TMOD1: variants seen among roughly 807,000 people sequenced by gnomAD.
TMOD1 encodes the protein tropomodulin 1, also known as tropomodulin-1.
Under a neutral mutation model 40.6 loss-of-function variants are expected in TMOD1, and 17 were observed. The observed-to-expected ratio is 0.42, with a 90% CI of 0.29 to 0.63. The LOEUF is 0.63. TMOD1 is among the 20% of genes least tolerant of loss of function. The pLI is 0.22. For missense variants in TMOD1, 391 were observed against 447.6 expected (o/e 0.87, Z 1.14); for synonymous variants, 181 against 175.0 (o/e 1.03, Z -0.27).
chr9:97,527,006 C>T (rs1830025098), intron 2 of TMOD1, among the ~76,000 whole-genome samples: 2 of 152,110 alleles, frequency 1.3e-5, no homozygotes, highest in Non-Finnish European at 2.9e-5. Context: ...CACGATCTTC[C>T]CCTGCCTGCC....
At chr9:97,544,791 T>C (rs1830334931) in intron 2 of TMOD1, among the ~76,000 whole-genome samples, 1 of 151,880 alleles carries the variant, frequency 6.6e-6, no homozygotes, top group South Asian at 2.1e-4. Flanking sequence ...GCAGATCACT[T>C]GAGTTTGGGA....
intron 8 of TMOD1, 49 bp from the exon 9 acceptor site, chr9:97,591,242 G>T: frequency 6.5e-7 from 1 of 1,537,042 alleles, no homozygotes. Context: ...TGTACACATG[G>T]AATGAGTGGT....
chr9:97,526,562 T>A (rs776913740), intron 2 of TMOD1, among the ~76,000 whole-genome samples: 3 of 152,222 alleles, frequency 2.0e-5, no homozygotes, highest in Non-Finnish European at 4.4e-5. Context: ...AAAAATGGAA[T>A]GTATCACACC....
rs186752404 is a variant in TMOD1 at position 97,600,860 on chromosome 9, C to G, written c.*1162C>G. The G allele has an allele frequency of 9.2e-7, 1 of 1,090,438 alleles. No homozygotes were observed. The highest frequency in any genetic ancestry group is 8.3e-5 in the East Asian group (1 of 12,072). The allele number at this position is 1,090,438 out of a possible 1,614,324, so 67.5% of individuals were successfully genotyped here. A position where few individuals can be genotyped will look rare whatever the true frequency, so the allele number is the denominator to read the frequency against. Reference sequence around the variant, plus strand: ...CTTGGGATCCAGCAAAAGTGTTAAGCCACAATGCCCTTGTGCCTTTTAATA... The same window carrying G: ...CTTGGGATCCAGCAAAAGTGTTAAGGCACAATGCCCTTGTGCCTTTTAATA... On this transcript the variant is annotated 3_prime_UTR_variant, in exon 10 of 10. Transcript: ENST00000259365.
At chr9:97,527,693 G>C (rs1426176604) in intron 2 of TMOD1, among the ~76,000 whole-genome samples, 3 of 152,228 alleles carry the variant, frequency 2.0e-5, no homozygotes. Context: ...ACTTTGCTCA[G>C]TGGGTTCAGG....
intron 2 of TMOD1, among the ~76,000 whole-genome samples, chr9:97,544,295 A>G (rs1266749669): frequency 2.0e-5 from 3 of 152,172 alleles, no homozygotes; most frequent in Admixed American, 2.0e-4. Context: ...CCCAGGGCTT[A>G]GGAAGGCCGA....
chr9:97,544,911 A>G (rs1212246368), intron 2 of TMOD1, among the ~76,000 whole-genome samples: 1 of 151,356 alleles, frequency 6.6e-6, no homozygotes, highest in African/African-American at 2.4e-5. Flanking sequence ...CAGGAGGCTG[A>G]GGCAGGAGAA....
chr9:97,590,124 T>C (rs1255164614), intron 8 of TMOD1, among the ~76,000 whole-genome samples: 1 of 152,068 alleles, frequency 6.6e-6, no homozygotes, highest in African/African-American at 2.4e-5. Context: ...TGGCCAAGGA[T>C]TTGCACCATC....
At chr9:97,537,478 C>G (rs536145765) in intron 2 of TMOD1, among the ~76,000 whole-genome samples, 3 of 152,304 alleles carry the variant, frequency 2.0e-5, no homozygotes, top group African/African-American at 7.2e-5. Context: ...TTACTGGCAC[C>G]TGTTTGCAGG....
Position 97,564,030 on chromosome 9 carries a change from C to T in TMOD1, c.488-8C>T, listed in dbSNP as rs754652912. 113 of 1,597,152 alleles carry T rather than the reference C, an allele frequency of 7.1e-5. No homozygotes were observed. Among genetic ancestry groups the T allele is most frequent in the Non-Finnish European group, 9.2e-5 (108 of 1,173,778 alleles). Reference sequence around the variant, plus strand: ...TGTGAGCCACCTCCCTTTCATCGGTCACTCTAGGCGTGATTAAACCCACAC... The same window carrying T: ...TGTGAGCCACCTCCCTTTCATCGGTTACTCTAGGCGTGATTAAACCCACAC... On this transcript the variant is annotated splice_polypyrimidine_tract_variant and splice_region_variant and intron_variant, in intron 5 of 9. Coordinates refer to ENST00000259365, the MANE Select transcript of TMOD1 (RefSeq NM_003275.4).
At chr9:97,585,047 A>G (rs1825840424) in intron 8 of TMOD1, among the ~76,000 whole-genome samples, 1 of 152,112 alleles carries the variant, frequency 6.6e-6, no homozygotes, top group African/African-American at 2.4e-5. Context: ...TCCTGTCATG[A>G]TGATGTTAGC....
Position 97,600,430 on chromosome 9 carries a change from CAATTT to C in TMOD1, c.*736_*740del. ...TTTAAGAACATTTGGGATTTATGTA[CAATTT>C]AATACTGGAGTTAGAACTTTTTCCT... On this transcript the variant is annotated 3_prime_UTR_variant, in exon 10 of 10. Transcript: ENST00000259365. The C allele has an allele frequency of 1.4e-5, 14 of 985,688 alleles. No individual in the cohort carries two copies. Among genetic ancestry groups the C allele is most frequent in the Non-Finnish European group, 1.7e-5 (14 of 830,080 alleles). 61.1% of individuals were successfully genotyped at this position (985,688 alleles called of 1,614,324 possible). A position where few individuals can be genotyped will look rare whatever the true frequency, so the allele number is the denominator to read the frequency against.
chr9:97,542,799 G>A (rs966301821), intron 2 of TMOD1, among the ~76,000 whole-genome samples: 8 of 147,510 alleles, frequency 5.4e-5, no homozygotes, highest in African/African-American at 1.8e-4. Flanking sequence ...GCAGTGAGCC[G>A]AGATCACGCC....
chr9:97,541,870 G>A (rs150003349), intron 2 of TMOD1, among the ~76,000 whole-genome samples: 53 of 152,254 alleles, frequency 3.5e-4, no homozygotes, highest in African/African-American at 1.2e-3. Flanking sequence ...AGATTTTTAT[G>A]TATTCTAGAT....
chr9:97,589,438 C>A (rs1241362577), intron 8 of TMOD1, among the ~76,000 whole-genome samples: 1 of 150,188 alleles, frequency 6.7e-6, no homozygotes. Context: ...CGCCCAGCTA[C>A]TTTTTGTATT....
intron 1 of TMOD1, among the ~76,000 whole-genome samples, chr9:97,506,086 C>G (rs1335089855): frequency 1.7e-5 from 2 of 116,436 alleles, no homozygotes; most frequent in Non-Finnish European, 3.8e-5. Flanking sequence ...CATGCTGTGC[C>G]TTCATGCCTC....
intron 9 of TMOD1, among the ~76,000 whole-genome samples, chr9:97,591,782 C>T (rs16922319): frequency 0.092 from 14,034 of 152,166 alleles, 711 homozygotes; most frequent in Admixed American, 0.15. Flanking sequence ...TTTCTGAACT[C>T]ATAGCGTCCT....
chr9:97,599,764 G>A lies in TMOD1; in HGVS notation c.*66G>A. 6.2e-7 allele frequency: 1 copy of A among 1,610,424 alleles called. No homozygotes were observed. Among genetic ancestry groups the A allele is most frequent in the South Asian group, 1.1e-5 (1 of 90,862 alleles). ...CTATTGATGACCTGTGCTCTGCAGG[G>A]GAAACCAGAAGGCAAAATGCTGGCA... On this transcript the variant is annotated 3_prime_UTR_variant, in exon 10 of 10. Transcript: ENST00000259365.
chr9:97,554,415 A>G (rs1041804775), intron 4 of TMOD1, among the ~76,000 whole-genome samples: 7 of 152,080 alleles, frequency 4.6e-5, no homozygotes, highest in African/African-American at 7.2e-5. Flanking sequence ...GGGCCACCCA[A>G]GTAGGGTCAG....
Sources: allele counts gnomAD v4.1 joint callset (sites outside exome capture counted in the v4.1 genomes callset), GRCh38; gene constraint gnomAD v4.1.1; transcripts MANE v1.5; gene names NCBI Gene and HGNC (gene_info 2026-07-23, HGNC 2026-07-21).